CSMD1: variants seen among roughly 807,000 people sequenced by gnomAD.
The protein encoded by CSMD1 is CUB and Sushi multiple domains 1.
A neutral mutation model predicts 417.5 loss-of-function variants in CSMD1; 213 were observed. That is an observed-to-expected ratio of 0.51 (90% CI 0.46 to 0.57). The LOEUF is 0.57. Ranked by LOEUF, CSMD1 falls within the 20% of genes least tolerant of loss-of-function variation. CSMD1 has a pLI of 0.00. For synonymous variants in CSMD1, 2,862 were observed against 1,736.8 expected (o/e 1.65, Z -16.11); for missense variants, 6,923 against 4,529.7 (o/e 1.53, Z -15.17).
At chr8:4,048,179 T>C (rs1346974644) in intron 3 of CSMD1, among the ~76,000 whole-genome samples, 1 of 152,200 alleles carries the variant, frequency 6.6e-6, no homozygotes, top group Non-Finnish European at 1.5e-5. Context: ...GTTTTGGTTG[T>C]TGGTGCTGTA....
intron 54 of CSMD1, among the ~76,000 whole-genome samples, chr8:2,981,230 G>C (rs943110378): frequency 6.6e-6 from 1 of 152,196 alleles, no homozygotes; most frequent in Non-Finnish European, 1.5e-5. Flanking sequence ...GAGTTTGTTA[G>C]TGACCAACCA....
chr8:4,742,564 G>C (rs1016627595), intron 1 of CSMD1, among the ~76,000 whole-genome samples: 1 of 151,930 alleles, frequency 6.6e-6, no homozygotes, highest in South Asian at 2.1e-4. Flanking sequence ...GCATGTAAGA[G>C]AAATGTTTTT....
At chr8:3,126,620 G>A (rs77347443) in intron 41 of CSMD1, among the ~76,000 whole-genome samples, 9 of 152,188 alleles carry the variant, frequency 5.9e-5, no homozygotes, top group Non-Finnish European at 1.0e-4. Context: ...CATATCTATC[G>A]GCTATTCTAA....
chr8:3,400,728 G>C (rs1047241636), intron 15 of CSMD1, among the ~76,000 whole-genome samples: 1 of 151,712 alleles, frequency 6.6e-6, no homozygotes, highest in African/African-American at 2.4e-5. Context: ...TTTATTCAGT[G>C]AACACGGCAG....
At chr8:4,893,831 G>A (rs751289200) in intron 1 of CSMD1, among the ~76,000 whole-genome samples, 11 of 152,196 alleles carry the variant, frequency 7.2e-5, no homozygotes, top group South Asian at 2.1e-4. Context: ...TATCTGGAAC[G>A]GTGAGTAGCA....
chr8:4,092,073 T>A (rs191220837), intron 3 of CSMD1, among the ~76,000 whole-genome samples: 1 of 152,170 alleles, frequency 6.6e-6, no homozygotes, highest in East Asian at 1.9e-4. Context: ...TAGCACTACT[T>A]AGAAGCTTAA....
chr8:3,203,433 G>T (rs997946887), intron 31 of CSMD1, among the ~76,000 whole-genome samples: 7 of 152,180 alleles, frequency 4.6e-5, no homozygotes, highest in African/African-American at 1.7e-4. Flanking sequence ...ACAAACAAAG[G>T]GTTATGGGGC....
intron 1 of CSMD1, among the ~76,000 whole-genome samples, chr8:4,792,987 T>C (rs1585106969): frequency 2.7e-5 from 1 of 37,230 alleles, no homozygotes; most frequent in African/African-American, 4.6e-5. Flanking sequence ...GTATGCAATA[T>C]ATATATATAT....
intron 6 of CSMD1, among the ~76,000 whole-genome samples, chr8:3,727,590 T>A (rs573848894): frequency 6.6e-6 from 1 of 152,158 alleles, no homozygotes; most frequent in Non-Finnish European, 1.5e-5. Flanking sequence ...AAAATGAGCA[T>A]ATGATACTGC....
chr8:4,598,713 G>T (rs754130542), intron 2 of CSMD1, among the ~76,000 whole-genome samples: 5 of 152,182 alleles, frequency 3.3e-5, no homozygotes, highest in Non-Finnish European at 5.9e-5. Flanking sequence ...ATTAGTGCCA[G>T]TGTGGGTACT....
intron 3 of CSMD1, among the ~76,000 whole-genome samples, chr8:4,348,008 A>G (rs1345858988): frequency 6.6e-6 from 1 of 152,200 alleles, no homozygotes; most frequent in Non-Finnish European, 1.5e-5. Flanking sequence ...CACTTATTTT[A>G]CTATATGCAT....
At chr8:3,674,091 G>C (rs1234557822) in intron 7 of CSMD1, among the ~76,000 whole-genome samples, 5 of 151,748 alleles carry the variant, frequency 3.3e-5, no homozygotes, top group Non-Finnish European at 7.4e-5. Context: ...GAGTGACAGA[G>C]TGAGACTCCC....
intron 10 of CSMD1, among the ~76,000 whole-genome samples, chr8:3,555,029 G>A (rs191366775): frequency 1.3e-5 from 2 of 152,230 alleles, no homozygotes; most frequent in African/African-American, 4.8e-5. Flanking sequence ...AGAAGACTGT[G>A]CGTGAGGAGT....
intron 6 of CSMD1, among the ~76,000 whole-genome samples, chr8:3,714,320 C>A (rs1158093623): frequency 6.6e-6 from 1 of 150,752 alleles, no homozygotes; most frequent in Non-Finnish European, 1.5e-5. Context: ...TAATCACATT[C>A]CATAAGCTAC....
At chr8:4,566,469 A>T (rs564683419) in intron 2 of CSMD1, among the ~76,000 whole-genome samples, 3 of 151,498 alleles carry the variant, frequency 2.0e-5, no homozygotes, top group Non-Finnish European at 4.4e-5. Context: ...CTGGCTAACA[A>T]GGTGAAACCC....
At chr8:3,352,410 G>A (rs908481928) in intron 21 of CSMD1, among the ~76,000 whole-genome samples, 2 of 152,188 alleles carry the variant, frequency 1.3e-5, no homozygotes, top group African/African-American at 4.8e-5. Flanking sequence ...CAATAGAAGA[G>A]AAGTATCTTT....
intron 3 of CSMD1, among the ~76,000 whole-genome samples, chr8:4,088,446 G>A (rs987939882): frequency 6.6e-6 from 1 of 152,162 alleles, no homozygotes; most frequent in African/African-American, 2.4e-5. Flanking sequence ...CTCAGCCTCT[G>A]TCTCTCTCTA....
chr8:3,521,474 T>C (rs78373136), intron 10 of CSMD1, among the ~76,000 whole-genome samples: 3,140 of 152,280 alleles, frequency 0.021, 80 homozygotes, highest in South Asian at 0.077. Context: ...GCCCATAGCA[T>C]TGTTCCTTGC....
intron 3 of CSMD1, among the ~76,000 whole-genome samples, chr8:4,087,694 C>A (rs1461720483): frequency 6.6e-6 from 1 of 152,158 alleles, no homozygotes; most frequent in Non-Finnish European, 1.5e-5. Context: ...CGTGTCTCTG[C>A]CTGGCATCCT....
Sources: allele counts gnomAD v4.1 joint callset (sites outside exome capture counted in the v4.1 genomes callset), GRCh38; gene constraint gnomAD v4.1.1; transcripts MANE v1.5; gene names NCBI Gene and HGNC (gene_info 2026-07-23, HGNC 2026-07-21).